RERE: variants seen among roughly 807,000 people sequenced by gnomAD.
RERE encodes the protein arginine-glutamic acid dipeptide repeats protein.
RERE carries 40 observed loss-of-function variants against 146.1 expected under a neutral mutation model. The ratio of observed to expected loss-of-function variants is 0.27; its 90% CI spans 0.21 to 0.36. The LOEUF (loss-of-function observed/expected upper bound fraction) is 0.36, where lower values mean the gene tolerates loss of function less well. RERE is among the 10% of genes least tolerant of loss of function. The pLI is 1.00. For missense variants in RERE, 1,933 were observed against 2,138.7 expected, an observed-to-expected ratio of 0.90 and a Z score of 1.90; for synonymous variants, 1,003 against 866.0, an observed-to-expected ratio of 1.16 and a Z score of -2.78.
intron 1 of RERE, among the ~76,000 whole-genome samples, chr1:8,669,076 G>C (rs2124368263): frequency 7.4e-6 from 1 of 135,148 alleles, no homozygotes; most frequent in African/African-American, 2.8e-5. Flanking sequence ...GTGTGTGTGT[G>C]TTGTGTTTTT....
intron 4 of RERE, among the ~76,000 whole-genome samples, chr1:8,581,951 T>C (rs1035235940): frequency 6.6e-6 from 1 of 152,144 alleles, no homozygotes; most frequent in Non-Finnish European, 1.5e-5. Context: ...AATATATTAT[T>C]ATTTAATATG....
chr1:8,671,468 A>T (rs1333693215), intron 1 of RERE, among the ~76,000 whole-genome samples: 3 of 152,250 alleles, frequency 2.0e-5, no homozygotes, highest in Non-Finnish European at 4.4e-5. Context: ...TTTCCACGCT[A>T]GAAGACACAT....
intron 1 of RERE, among the ~76,000 whole-genome samples, chr1:8,747,341 G>A (rs1640443365): frequency 1.3e-5 from 2 of 152,128 alleles, no homozygotes; most frequent in African/African-American, 4.8e-5. Context: ...TTGCTGTGTT[G>A]TGAAAACAAA....
chr1:8,559,166 G>A lies in RERE; in HGVS notation c.523-1643C>T, dbSNP rs189047158. On this transcript the variant is annotated intron_variant, in intron 4 of 22. Transcript: ENST00000400908. ...ATGGTGGGGCATGCCTATAATCCCA[G>A]CTACTCAGGAGGCTGAGGCAGGAGA... 4.5e-3 allele frequency among the ~76,000 whole-genome samples: 664 copies of A among 149,200 alleles called. 1 individual carries two copies. The highest frequency in any genetic ancestry group is 0.015 in the African/African-American group (625 of 40,632).
rs1289524942 is a variant in RERE, at chr1:8,391,071, T to C, written c.1285-25097A>G. Among the ~76,000 whole-genome samples, 10 of 152,254 alleles carry C rather than the reference T, an allele frequency of 6.6e-5. 1 individual carries two copies. The East Asian group carries it at 9.7e-4, about 15-fold the overall frequency. ...TCAGTTTCCACTCCCCTTGACCTAC[T>C]ACAACCCAAATTCCACACTGTGTCT... On this transcript the variant is annotated intron_variant, in intron 12 of 22. Transcript: ENST00000400908.
At chr1:8,643,553 G>A (rs1323718900) in intron 2 of RERE, among the ~76,000 whole-genome samples, 1 of 152,200 alleles carries the variant, frequency 6.6e-6, no homozygotes, top group Non-Finnish European at 1.5e-5. Context: ...AAATCAGATG[G>A]CTATTTTGTT....
chr1:8,557,366 A>G, intron 5 of RERE, 52 bp downstream of exon 5: 2 of 1,184,424 alleles, frequency 1.7e-6, no homozygotes, highest in South Asian at 2.5e-5. Flanking sequence ...TTTAGAAAGA[A>G]CTTTGCCCAA....
chr1:8,614,624 G>A lies in RERE; in HGVS notation c.459C>T (p.Cys153=), dbSNP rs1407576739. The change falls in exon 4 of 23, where the codon TGC becomes TGT. Residue 153 remains cysteine (C), a synonymous_variant. Transcript: ENST00000400908. ...GTGGCTGTGATGCCACCGGCAGAGA[G>A]CATGCTGGGGGGTCACACAAAGCAG... ...PTPALCDPPA[C]SLPVASQPPQ... The A allele has an allele frequency of 6.2e-7, 1 of 1,613,264 alleles. No homozygotes were observed. The highest frequency in any genetic ancestry group is 1.1e-5 in the South Asian group (1 of 90,908).
rs1646830660 is a variant in RERE at position 8,614,682 on chromosome 1, T to A, written c.401A>T (p.His134Leu). 1.9e-6 allele frequency: 3 copies of A among 1,607,668 alleles called. No individual in the cohort carries two copies. In the East Asian group the frequency reaches 6.7e-5, roughly 36 times the overall value. Reference sequence around the variant, plus strand: ...AGATCTGCAACAGGCCTGGGAGTTGTGGACCTAAAAAAGAAAACAGTTTTA... The same window carrying A: ...AGATCTGCAACAGGCCTGGGAGTTGAGGACCTAAAAAAGAAAACAGTTTTA... ...ICSIQDFKLV[H>L]NSQACCRSPT... Residue 134 changes from histidine to leucine, a missense_variant, in exon 4 of 23, where the codon CAC becomes CTC. Around this residue, in one of 11 missense-constraint regions of RERE, gnomAD observed 74 missense variants for 99.6 expected, o/e 0.74. Transcript: ENST00000400908.
chr1:8,501,240 C>A (rs1375703990), intron 8 of RERE, among the ~76,000 whole-genome samples: 110 of 134,722 alleles, frequency 8.2e-4, no homozygotes, highest in African/African-American at 2.7e-3. Context: ...CCGGCCGCCC[C>A]GTCCGGGAGG....
At chr1:8,456,086 C>T (rs557577359) in intron 11 of RERE, among the ~76,000 whole-genome samples, 3 of 152,306 alleles carry the variant, frequency 2.0e-5, no homozygotes, top group Admixed American at 2.0e-4. Flanking sequence ...TGCCGGCCGA[C>T]AAGGGAAGCT....
chr1:8,555,933 T>C (rs962216398), intron 6 of RERE, among the ~76,000 whole-genome samples: 31 of 152,182 alleles, frequency 2.0e-4, no homozygotes, highest in Non-Finnish European at 5.9e-5. Context: ...TTTTCAGACA[T>C]ACAGAAAATG....
At chr1:8,785,210 C>A (rs752518658) in intron 1 of RERE, among the ~76,000 whole-genome samples, 1 of 152,112 alleles carries the variant, frequency 6.6e-6, no homozygotes, top group Non-Finnish European at 1.5e-5. Context: ...AACCATAAAG[C>A]GTAACAATGA....
chr1:8,787,016 C>G, intron 1 of RERE: 1 of 577,306 alleles, frequency 1.7e-6, no homozygotes, highest in Non-Finnish European at 3.1e-6. Flanking sequence ...CAGATTCTGT[C>G]ACACACACCT....
intron 1 of RERE, among the ~76,000 whole-genome samples, chr1:8,670,783 T>G (rs1638694605): frequency 6.6e-6 from 1 of 152,106 alleles, no homozygotes; most frequent in African/African-American, 2.4e-5. Flanking sequence ...GATGGAGAGA[T>G]AGCTCAGTAC....
chr1:8,430,966 A>C (rs1050704473), intron 11 of RERE, among the ~76,000 whole-genome samples: 2 of 152,226 alleles, frequency 1.3e-5, no homozygotes, highest in Non-Finnish European at 2.9e-5. Flanking sequence ...TCATGCCATT[A>C]AAGTCCGTAG....
intron 6 of RERE, among the ~76,000 whole-genome samples, chr1:8,553,675 A>C (rs1468119318): frequency 6.6e-6 from 1 of 152,208 alleles, no homozygotes; most frequent in Non-Finnish European, 1.5e-5. Context: ...GAGAAAAAAA[A>C]ACTAATTAAT....
intron 1 of RERE, among the ~76,000 whole-genome samples, chr1:8,694,276 A>G (rs1219725441): frequency 1.3e-5 from 2 of 152,232 alleles, no homozygotes; most frequent in Non-Finnish European, 2.9e-5. Context: ...AACTTCAGTA[A>G]AAGTTTCAGG....
chr1:8,581,533 G>C (rs1442292780), intron 4 of RERE, among the ~76,000 whole-genome samples: 1 of 152,118 alleles, frequency 6.6e-6, no homozygotes, highest in African/African-American at 2.4e-5. Context: ...CTAAATGAAA[G>C]TAAACACACT....
Sources: allele counts gnomAD v4.1 joint callset (sites outside exome capture counted in the v4.1 genomes callset), GRCh38; gene constraint gnomAD v4.1.1; regional missense constraint gnomAD v4.1.1; transcripts MANE v1.5; gene names NCBI Gene and HGNC (gene_info 2026-07-23, HGNC 2026-07-21).